CCDC146: variants seen among roughly 807,000 people sequenced by gnomAD.
The protein encoded by CCDC146 is coiled-coil domain containing 146.
CCDC146 carries 92 observed loss-of-function variants against 119.3 expected under a neutral mutation model. That is an observed-to-expected ratio of 0.77 (90% CI 0.65 to 0.92). CCDC146 has a LOEUF of 0.92. Among genes scored for constraint, CCDC146 ranks in the 40% least tolerant of loss-of-function variants. CCDC146 has a pLI of 0.00. For synonymous variants in CCDC146, 372 were observed against 371.8 expected (o/e 1.00, Z -0.01); for missense variants, 1,000 against 1,103.0 (o/e 0.91, Z 1.32).
intron 2 of CCDC146, chr7:77,195,233 T>C (rs1791845385): frequency 6.6e-6 from 1 of 151,714 alleles, no homozygotes; most frequent in Non-Finnish European, 1.5e-5. Context: ...AAAGCTATTG[T>C]TCACACAGAG....
At chr7:77,146,864 T>C (rs1202017159) in intron 1 of CCDC146, among the ~76,000 whole-genome samples, 2 of 152,200 alleles carry the variant, frequency 1.3e-5, no homozygotes, top group African/African-American at 4.8e-5. Flanking sequence ...ATTTCAACTT[T>C]GGTGAATCTG....
intron 2 of CCDC146, among the ~76,000 whole-genome samples, chr7:77,228,273 C>T (rs982779293): frequency 6.6e-6 from 1 of 152,130 alleles, no homozygotes; most frequent in African/African-American, 2.4e-5. Context: ...AAGCCTAGTA[C>T]CTATTAGTAG....
chr7:77,185,409 A>T (rs1791651763), intron 2 of CCDC146, among the ~76,000 whole-genome samples: 1 of 152,184 alleles, frequency 6.6e-6, no homozygotes, highest in Admixed American at 6.6e-5. Context: ...GAAAATGGGA[A>T]AGTGATATGG....
intron 9 of CCDC146, among the ~76,000 whole-genome samples, chr7:77,270,263 A>G (rs1371469112): frequency 6.6e-6 from 1 of 152,194 alleles, no homozygotes; most frequent in Non-Finnish European, 1.5e-5. Flanking sequence ...CAGACACCAA[A>G]ACTATTAATA....
chr7:77,239,538 C>T (rs977323266), intron 3 of CCDC146, among the ~76,000 whole-genome samples: 5 of 152,184 alleles, frequency 3.3e-5, no homozygotes, highest in African/African-American at 1.2e-4. Context: ...GAGGCAGACA[C>T]AAGGTAACTT....
intron 8 of CCDC146, among the ~76,000 whole-genome samples, chr7:77,261,493 C>T (rs899298719): frequency 4.6e-5 from 7 of 152,124 alleles, no homozygotes; most frequent in African/African-American, 1.4e-4. Flanking sequence ...TTTTTTGAGA[C>T]GGAGTCTCGC....
In CCDC146 at chr7:77,140,602, T is replaced by C. The variant is rs186294569; in HGVS notation, c.-12+17870T>C. Among the ~76,000 whole-genome samples, 741 of 152,246 alleles carry C rather than the reference T, an allele frequency of 4.9e-3. 4 individuals carry two copies. Among genetic ancestry groups the C allele is most frequent in the African/African-American group, 0.017 (695 of 41,550 alleles). On this transcript the variant is annotated intron_variant, in intron 1 of 18. Transcript: ENST00000285871. ...GTGAGGCTCCATACTCATGACCTAA[T>C]TACCTCCCACAGGCCCCATCTGGAA...
chr7:77,278,714 ATGT>A (rs752394466), intron 11 of CCDC146, 35 bp from the exon 12 acceptor site: 4 of 1,387,914 alleles, frequency 2.9e-6, no homozygotes, highest in Non-Finnish European at 2.0e-6. Flanking sequence ...GAGTGTTCAT[ATGT>A]TGTTATTTAT....
chr7:77,248,809 G>A (rs541612238), intron 4 of CCDC146, among the ~76,000 whole-genome samples: 18 of 152,202 alleles, frequency 1.2e-4, no homozygotes, highest in African/African-American at 4.1e-4. Context: ...TTCTAGCATC[G>A]TGTCCTCTCA....
chr7:77,276,986 C>A (rs887730509), intron 11 of CCDC146, among the ~76,000 whole-genome samples: 7 of 152,104 alleles, frequency 4.6e-5, no homozygotes, highest in African/African-American at 1.7e-4. Context: ...GCATGAGAAT[C>A]GCTTGAACCC....
chr7:77,129,178 A>G (rs1790748764), intron 1 of CCDC146, among the ~76,000 whole-genome samples: 1 of 152,160 alleles, frequency 6.6e-6, no homozygotes, highest in Non-Finnish European at 1.5e-5. Flanking sequence ...TTCTGAGAAC[A>G]TGATGAAATC....
chr7:77,270,182 G>A (rs1395311135), intron 9 of CCDC146, among the ~76,000 whole-genome samples: 5 of 152,156 alleles, frequency 3.3e-5, no homozygotes, highest in African/African-American at 1.2e-4. Context: ...ACAGCAACAA[G>A]TAATGTCTAA....
At chr7:77,225,796 A>G (rs1312889428) in intron 2 of CCDC146, among the ~76,000 whole-genome samples, 1 of 152,050 alleles carries the variant, frequency 6.6e-6, no homozygotes, top group East Asian at 1.9e-4. Flanking sequence ...TACAAAAATT[A>G]GCTTGGCATG....
intron 1 of CCDC146, among the ~76,000 whole-genome samples, chr7:77,136,920 G>A (rs2539150): frequency 6.6e-6 from 1 of 152,140 alleles, no homozygotes; most frequent in African/African-American, 2.4e-5. Flanking sequence ...AATGGGATTT[G>A]TTTCAAATAT....
At chr7:77,259,889 T>G in intron 7 of CCDC146, 120 bp from the exon 8 acceptor site, 1 of 689,138 alleles carries the variant, frequency 1.5e-6, no homozygotes. Flanking sequence ...TTCTGCTGCA[T>G]GGTTAGAAAG....
chr7:77,282,451 T>C (rs1793781216), intron 14 of CCDC146, 106 bp from the exon 15 acceptor site: 1 of 682,838 alleles, frequency 1.5e-6, no homozygotes, highest in South Asian at 2.0e-5. Context: ...TCTGGAAGTA[T>C]GCTATGTTGT....
At chr7:77,175,912 A>G (rs1791492760) in intron 2 of CCDC146, among the ~76,000 whole-genome samples, 1 of 151,260 alleles carries the variant, frequency 6.6e-6, no homozygotes. Flanking sequence ...ATTTGTGAAC[A>G]AGAAGATTGA....
At chr7:77,126,137 C>G (rs189414578) in intron 1 of CCDC146, among the ~76,000 whole-genome samples, 21 of 152,072 alleles carry the variant, frequency 1.4e-4, no homozygotes, top group Admixed American at 1.4e-3. Flanking sequence ...AGTTTACTTT[C>G]TAATTTGCTT....
At chr7:77,278,164 CTT>C in intron 11 of CCDC146, among the ~76,000 whole-genome samples, 1 of 152,266 alleles carries the variant, frequency 6.6e-6, no homozygotes, top group South Asian at 2.1e-4. Flanking sequence ...TAGGAATCCT[CTT>C]CTCTCATCTA....
Sources: gnomAD v4.1 joint callset for allele counts (sites outside exome capture counted in the v4.1 genomes callset) on GRCh38, gnomAD v4.1.1 for gene constraint, MANE v1.5 for transcripts, NCBI Gene and HGNC (gene_info 2026-07-23, HGNC 2026-07-21) for gene names.